Variants in ARHGAP26 observed in about 807,000 individuals in gnomAD.
ARHGAP26 encodes the protein rho GTPase-activating protein 26.
Under a neutral mutation model 104.8 loss-of-function variants are expected in ARHGAP26, and 38 were observed. The observed-to-expected ratio is 0.36, with a 90% CI of 0.28 to 0.48. The LOEUF (loss-of-function observed/expected upper bound fraction) is 0.48. ARHGAP26 is among the 20% of genes least tolerant of loss of function. The probability of loss-of-function intolerance (pLI) is 0.99; values close to 1 mark genes in which losing one functional copy is unlikely to be tolerated. For synonymous variants in ARHGAP26, 341 were observed against 340.0 expected, an observed-to-expected ratio of 1.00 and a Z score of -0.03; for missense variants, 704 against 947.9, an observed-to-expected ratio of 0.74 and a Z score of 3.38.
At chr5:143,125,706 TA>T (rs1480263544) in intron 18 of ARHGAP26, among the ~76,000 whole-genome samples, 5 of 152,242 alleles carry the variant, frequency 3.3e-5, no homozygotes, top group Non-Finnish European at 7.3e-5. Context: ...ATGAATCCTT[TA>T]AATGAATACA....
chr5:143,015,128 T>C (rs185095333), intron 12 of ARHGAP26, among the ~76,000 whole-genome samples: 2 of 150,466 alleles, frequency 1.3e-5, no homozygotes, highest in African/African-American at 4.9e-5. Context: ...CTTTATGAGA[T>C]GAAAAAAAAA....
chr5:143,041,218 A>G (rs1417457598), intron 13 of ARHGAP26, among the ~76,000 whole-genome samples: 1 of 152,230 alleles, frequency 6.6e-6, no homozygotes, highest in Non-Finnish European at 1.5e-5. Flanking sequence ...TTTTGTTTAG[A>G]TGTTTAATTT....
chr5:142,836,827 A>C (rs2152143581), intron 1 of ARHGAP26, among the ~76,000 whole-genome samples: 1 of 152,348 alleles, frequency 6.6e-6, no homozygotes, highest in African/African-American at 2.4e-5. Context: ...TCTTTAAAAC[A>C]GTTTTATGAG....
intron 11 of ARHGAP26, among the ~76,000 whole-genome samples, chr5:142,933,871 A>G (rs1449978241): frequency 6.6e-6 from 1 of 152,220 alleles, no homozygotes; most frequent in Non-Finnish European, 1.5e-5. Flanking sequence ...ACCCATGTCT[A>G]ATCCTAGACA....
At chr5:143,136,776 C>G (rs1797964006) in intron 19 of ARHGAP26, among the ~76,000 whole-genome samples, 1 of 152,232 alleles carries the variant, frequency 6.6e-6, no homozygotes, top group Non-Finnish European at 1.5e-5. Context: ...CTTCACCTTT[C>G]TCTTTGTCTG....
intron 4 of ARHGAP26, among the ~76,000 whole-genome samples, chr5:142,883,425 G>C (rs1299159336): frequency 6.6e-6 from 1 of 152,214 alleles, no homozygotes; most frequent in Non-Finnish European, 1.5e-5. Flanking sequence ...TGTGTCCTCA[G>C]GCTTTTTCTT....
chr5:143,012,552 CATAT>C lies in ARHGAP26; in HGVS notation c.1108-1507_1108-1504del, dbSNP rs3073231. ...AGGGATATATTTATATACATACATA[CATAT>C]ATATATATATATATATATATTATGA... On this transcript the variant is annotated intron_variant, in intron 11 of 22. Transcript: ENST00000645722. Among the ~76,000 whole-genome samples the C allele has an allele frequency of 6.5e-3, 135 of 20,830 alleles. 20 individuals are homozygous for C. Among genetic ancestry groups the C allele is most frequent in the African/African-American group, 0.014 (116 of 8,266 alleles). The allele number at this position is 20,830 out of a possible 152,430, so 13.7% of individuals were successfully genotyped here.
At chr5:143,140,710 C>A (rs527570482) in intron 19 of ARHGAP26, among the ~76,000 whole-genome samples, 1 of 151,906 alleles carries the variant, frequency 6.6e-6, no homozygotes, top group Non-Finnish European at 1.5e-5. Context: ...GCAAAAACAT[C>A]AGCAGCCTAG....
intron 17 of ARHGAP26, among the ~76,000 whole-genome samples, chr5:143,098,276 AT>A (rs1377069894): frequency 6.6e-6 from 1 of 152,204 alleles, no homozygotes; most frequent in Non-Finnish European, 1.5e-5. Context: ...GTTAAATGGT[AT>A]TTTAAAAAGC....
chr5:142,858,042 TGA>T (rs376522081), intron 1 of ARHGAP26, among the ~76,000 whole-genome samples: 4 of 134,068 alleles, frequency 3.0e-5, no homozygotes, highest in Non-Finnish European at 6.4e-5. Context: ...AGAGAAGGAA[TGA>T]GAGAGAGAGA....
chr5:142,935,672 C>A (rs749963357), intron 11 of ARHGAP26, among the ~76,000 whole-genome samples: 3 of 152,164 alleles, frequency 2.0e-5, no homozygotes, highest in Non-Finnish European at 4.4e-5. Context: ...CCAGAACTTA[C>A]TCATGTGCCC....
intron 14 of ARHGAP26, among the ~76,000 whole-genome samples, chr5:143,047,513 G>A (rs10056044): frequency 0.017 from 2,611 of 152,190 alleles, 83 homozygotes; most frequent in African/African-American, 0.059. Flanking sequence ...TGAATTGCTG[G>A]GTCAAGGTAT....
chr5:143,220,314 C>T (rs1810974507), intron 22 of ARHGAP26, among the ~76,000 whole-genome samples: 1 of 152,188 alleles, frequency 6.6e-6, no homozygotes, highest in Admixed American at 6.5e-5. Flanking sequence ...TCTGGTTTTA[C>T]TAGGTCGCTA....
intron 11 of ARHGAP26, among the ~76,000 whole-genome samples, chr5:142,963,190 A>ATATG (rs1770657677): frequency 6.0e-5 from 6 of 100,522 alleles, no homozygotes; most frequent in African/African-American, 4.3e-4. Context: ...ATATATATAT[A>ATATG]TATATATATG....
At chr5:142,917,862 C>T (rs1057178916) in intron 10 of ARHGAP26, among the ~76,000 whole-genome samples, 1 of 146,474 alleles carries the variant, frequency 6.8e-6, no homozygotes, top group Non-Finnish European at 1.5e-5. Context: ...AGGTGACACT[C>T]TTTTTTTTTT....
intron 11 of ARHGAP26, among the ~76,000 whole-genome samples, chr5:142,956,497 A>G (rs1437936577): frequency 6.6e-6 from 1 of 152,130 alleles, no homozygotes; most frequent in Non-Finnish European, 1.5e-5. Context: ...GGATTGCTTG[A>G]ACCCAGGAGT....
At chr5:142,946,443 A>G (rs530183862) in intron 11 of ARHGAP26, 74 of 150,196 alleles carry the variant, frequency 4.9e-4, no homozygotes, top group African/African-American at 1.6e-3. Context: ...ATTAGCTTCA[A>G]TTTTTTTTTT....
chr5:143,137,293 C>T (rs1333004153), intron 19 of ARHGAP26, among the ~76,000 whole-genome samples: 1 of 152,232 alleles, frequency 6.6e-6, no homozygotes, highest in Non-Finnish European at 1.5e-5. Context: ...TGACTTCCAT[C>T]CTTCCTCTTA....
In ARHGAP26 at chr5:142,789,999, A is replaced by G. The variant is rs1759475525; in HGVS notation, c.154+19084A>G. On this transcript the variant is annotated intron_variant, in intron 1 of 22. Transcript: ENST00000645722. ...GAATTTTTTTTGAATACAAATCAAG[A>G]TAAGGTCTTTATTAATCCAGTCAAC... Among the ~76,000 whole-genome samples, 5 of 152,244 alleles carry G rather than the reference A, an allele frequency of 3.3e-5. No homozygotes were observed. In the South Asian group the frequency reaches 1.0e-3, roughly 32 times the overall value.
Sources: allele counts gnomAD v4.1 joint callset (sites outside exome capture counted in the v4.1 genomes callset), GRCh38; gene constraint gnomAD v4.1.1; transcripts MANE v1.5; gene names NCBI Gene and HGNC (gene_info 2026-07-23, HGNC 2026-07-21).